Variants in RAC2 observed in about 807,000 individuals in gnomAD.
RAC2 encodes the protein ras-related C3 botulinum toxin substrate 2.
In RAC2, 1 loss-of-function variant was observed where a neutral mutation model predicts 24.0. The observed-to-expected ratio is 0.04, with a 90% CI of 0.01 to 0.20. The LOEUF is 0.20. Ranked by LOEUF, RAC2 falls within the 10% of genes least tolerant of loss-of-function variation. The pLI is 1.00. For synonymous variants in RAC2, 114 were observed against 106.8 expected (o/e 1.07, Z -0.41); for missense variants, 130 against 259.1 (o/e 0.50, Z 3.42).
At chr22:37,233,030 G>A (rs1038362089) in intron 2 of RAC2, 112 bp from the exon 3 acceptor site, 39 of 799,834 alleles carry the variant, frequency 4.9e-5, no homozygotes, top group South Asian at 2.0e-4. Flanking sequence ...GACAGTCTGC[G>A]ACTGGCCCAA....
Position 37,244,108 on chromosome 22 carries a change from AC to A in RAC2, c.35+5del. Reference sequence around the variant, plus strand: ...GGGCTGTGAGGAAGTCCAGCCAGGTACCTACCCATCTCCCACCACCACACAC... The same window carrying A: ...GGGCTGTGAGGAAGTCCAGCCAGGTACTACCCATCTCCCACCACCACACAC... On this transcript the variant is annotated splice_donor_5th_base_variant and intron_variant, in intron 1 of 6. Transcript: ENST00000249071. 3 of 1,614,146 alleles carry A rather than the reference AC, an allele frequency of 1.9e-6. No homozygotes were observed. The highest frequency in any genetic ancestry group is 2.5e-6 in the Non-Finnish European group (3 of 1,179,988).
intron 2 of RAC2, among the ~76,000 whole-genome samples, chr22:37,235,046 CCA>C (rs1016846530): frequency 1.3e-4 from 20 of 152,180 alleles, no homozygotes; most frequent in African/African-American, 4.6e-4. Context: ...TGCTTATTCT[CCA>C]CAGTCTCAGG....
At chr22:37,230,254 C>T (rs1449190607) in intron 5 of RAC2, among the ~76,000 whole-genome samples, 11 of 104,014 alleles carry the variant, frequency 1.1e-4, no homozygotes, top group East Asian at 3.0e-4. Context: ...CTCCCAGTTC[C>T]GGCAGGGGGA....
intron 5 of RAC2, among the ~76,000 whole-genome samples, chr22:37,228,678 C>T (rs928214624): frequency 6.6e-6 from 1 of 152,176 alleles, no homozygotes; most frequent in African/African-American, 2.4e-5. Flanking sequence ...GACCAGGAAA[C>T]AGGCCCAGAG....
chr22:37,236,852 C>A (rs1450010661), intron 2 of RAC2, among the ~76,000 whole-genome samples: 1 of 152,106 alleles, frequency 6.6e-6, no homozygotes, highest in African/African-American at 2.4e-5. Flanking sequence ...GGGGAACCAG[C>A]AAGGGGCCAA....
intron 3 of RAC2, chr22:37,232,571 C>A: frequency 1.7e-6 from 1 of 573,428 alleles, no homozygotes; most frequent in Non-Finnish European, 3.2e-6. Context: ...GCCCAGGAGG[C>A]AATGGGGTGG....
intron 2 of RAC2, chr22:37,240,994 A>C (rs1182627052): frequency 1.4e-6 from 1 of 716,340 alleles, no homozygotes. Flanking sequence ...GTGCCATGCT[A>C]GGGAGTCGGG....
intron 6 of RAC2, 88 bp downstream of exon 6, chr22:37,226,583 T>C: frequency 6.5e-7 from 1 of 1,547,820 alleles, no homozygotes; most frequent in South Asian, 1.2e-5. Flanking sequence ...TGTCCTGGCC[T>C]AAATGCCACT....
chr22:37,236,823 T>C (rs569992133), intron 2 of RAC2, among the ~76,000 whole-genome samples: 1 of 152,220 alleles, frequency 6.6e-6, no homozygotes, highest in South Asian at 2.1e-4. Context: ...ACCAGTCAGG[T>C]CTTGGTTCTC....
intron 2 of RAC2, among the ~76,000 whole-genome samples, chr22:37,237,186 AG>A (rs1927249839): frequency 7.4e-6 from 1 of 134,474 alleles, no homozygotes; most frequent in Admixed American, 7.7e-5. Context: ...AGACTCCGTC[AG>A]GAAGGAAGGA....
intron 1 of RAC2, 73 bp downstream of exon 1, chr22:37,244,041 C>A: frequency 6.3e-7 from 1 of 1,598,220 alleles, no homozygotes; most frequent in Non-Finnish European, 8.6e-7. Context: ...GGGGCTTCCC[C>A]AGGGGCACCA....
At chr22:37,242,371 C>G (rs1273128403) in intron 1 of RAC2, among the ~76,000 whole-genome samples, 2 of 152,142 alleles carry the variant, frequency 1.3e-5, no homozygotes, top group Non-Finnish European at 1.5e-5. Context: ...TAAAATGGAC[C>G]TATTAGGTTT....
intron 2 of RAC2, 73 bp downstream of exon 2, chr22:37,241,514 G>A: frequency 1.4e-6 from 2 of 1,466,266 alleles, no homozygotes; most frequent in Non-Finnish European, 9.6e-7. Flanking sequence ...CACAGGAAGT[G>A]CCTGAAAGGG....
chr22:37,231,534 A>G lies in RAC2; in HGVS notation c.289-144T>C. ...ATCAGAGGTGGGCACGACGGTGAGG[A>G]GAGAGAGACGTGAGGTGGCACAGGG... On this transcript the variant is annotated intron_variant, in intron 4 of 6. Coordinates refer to ENST00000249071, the MANE Select transcript of RAC2 (RefSeq NM_002872.5). The surrounding 1 kb of genome is among the most constrained non-coding windows in gnomAD (Gnocchi z 5.5). 1.3e-6 allele frequency: 1 copy of G among 741,118 alleles called. No homozygotes were observed. Among genetic ancestry groups the G allele is most frequent in the South Asian group, 1.7e-5 (1 of 59,650 alleles). The allele number at this position is 741,118 out of a possible 1,614,324, so 45.9% of individuals were successfully genotyped here.
At chr22:37,241,697 C>T (rs781027367) in intron 1 of RAC2, 39 bp from the exon 2 acceptor site, 6 of 1,575,306 alleles carry the variant, frequency 3.8e-6, no homozygotes, top group East Asian at 2.2e-5. Context: ...CGGTCATGGG[C>T]TCTGCCGGAG....
chr22:37,232,897 A>G lies in RAC2; in HGVS notation c.129T>C (p.Asn43=). The G allele has an allele frequency of 6.2e-7, 1 of 1,613,922 alleles. No homozygotes were observed. The highest frequency in any genetic ancestry group is 8.5e-7 in the Non-Finnish European group (1 of 1,179,954). ...TCACTGGCTTGCTGTCCACCATCAC[A>G]TTGGCTGAATAGTTGTCAAACCTGT... ...IPTVFDNYSA[N]VMVDSKPVNL... is the part of the protein sequence containing the mutation. Residue 43 remains asparagine, a synonymous_variant, in exon 3 of 7, where the codon AAT becomes AAC. Transcript: ENST00000249071.
Position 37,231,498 on chromosome 22 carries a change from G to T in RAC2, c.289-108C>A. On this transcript the variant is annotated intron_variant, in intron 4 of 6. Coordinates refer to ENST00000249071, the MANE Select transcript of RAC2 (RefSeq NM_002872.5). This position sits in a 1 kb window ranked among gnomAD's most constrained non-coding sequence, Gnocchi z 5.5. The stretch of plus-strand genomic sequence containing the variant: ...GGTGTAGGGAGAGGAGAGGCAGCAA[G>T]TTGCCAGAAGATCAGAGGTGGGCAC... 9.2e-7 allele frequency: 1 copy of T among 1,084,990 alleles called. No homozygotes were observed. The highest frequency in any genetic ancestry group is 1.4e-6 in the Non-Finnish European group (1 of 730,046). 67.2% of individuals were successfully genotyped at this position (1,084,990 alleles called of 1,614,324 possible).
intron 2 of RAC2, among the ~76,000 whole-genome samples, chr22:37,239,339 C>T (rs938610278): frequency 1.2e-4 from 19 of 152,158 alleles, no homozygotes; most frequent in African/African-American, 4.6e-4. Flanking sequence ...AGGTGCAGGA[C>T]CCTTCTGAGC....
chr22:37,235,171 C>T (rs1212690076), intron 2 of RAC2, among the ~76,000 whole-genome samples: 4 of 152,102 alleles, frequency 2.6e-5, no homozygotes, highest in Non-Finnish European at 5.9e-5. Flanking sequence ...CAGAGTAACA[C>T]AAAAGACACC....
Sources: gnomAD v4.1 joint callset for allele counts (sites outside exome capture counted in the v4.1 genomes callset) on GRCh38, gnomAD v4.1.1 for gene constraint, Gnocchi (gnomAD v3.1) non-coding constraint, MANE v1.5 for transcripts, NCBI Gene and HGNC (gene_info 2026-07-23, HGNC 2026-07-21) for gene names.